The following NR3C2 variants were observed in gnomAD, a reference collection of about 807,000 sequenced individuals.
NR3C2 encodes the protein nuclear receptor subfamily 3 group C member 2.
In NR3C2, 15 loss-of-function variants were observed where a neutral mutation model predicts 86.4. That is an observed-to-expected ratio of 0.17 (90% CI 0.12 to 0.27). The LOEUF (loss-of-function observed/expected upper bound fraction) is 0.27, where lower values mean the gene tolerates loss of function less well. Ranked by LOEUF, NR3C2 falls within the 10% of genes least tolerant of loss-of-function variation. NR3C2 has a pLI of 1.00. For synonymous variants in NR3C2, 458 were observed against 450.5 expected (o/e 1.02, Z -0.21); for missense variants, 960 against 1,195.6 (o/e 0.80, Z 2.91).
At chr4:148,376,386 G>A (rs1011358849) in intron 2 of NR3C2, among the ~76,000 whole-genome samples, 7 of 152,272 alleles carry the variant, frequency 4.6e-5, no homozygotes, top group African/African-American at 1.7e-4. Context: ...GAAGAACAAA[G>A]GGCTCAGTGT....
chr4:148,195,654 G>T (rs968164211), intron 3 of NR3C2, among the ~76,000 whole-genome samples: 3 of 152,180 alleles, frequency 2.0e-5, no homozygotes, highest in Non-Finnish European at 1.5e-5. Context: ...TTAAATAAAG[G>T]TCTATAGATC....
At chr4:148,404,972 T>G (rs920376621) in intron 2 of NR3C2, among the ~76,000 whole-genome samples, 2 of 152,188 alleles carry the variant, frequency 1.3e-5, no homozygotes, top group African/African-American at 4.8e-5. Flanking sequence ...ACTCATGTAT[T>G]AGATGTTTAC....
At chr4:148,346,761 A>G (rs995431432) in intron 2 of NR3C2, among the ~76,000 whole-genome samples, 14 of 152,184 alleles carry the variant, frequency 9.2e-5, no homozygotes, top group African/African-American at 3.4e-4. Flanking sequence ...AATTATAGAA[A>G]TTAATTTCTT....
rs80225528 is a variant in NR3C2, at chr4:148,330,938, C to T, written c.1758-70821G>A. Among the ~76,000 whole-genome samples, 1,102 of 152,288 alleles carry T rather than the reference C, an allele frequency of 7.2e-3. 14 individuals carry two copies. Among genetic ancestry groups the T allele is most frequent in the African/African-American group, 0.024 (1,012 of 41,560 alleles). On this transcript the variant is annotated intron_variant, in intron 2 of 8. Coordinates refer to ENST00000358102, the MANE Select transcript of NR3C2 (RefSeq NM_000901.5). ...ACTCACCTACTCCACCTTCACCTTC[C>T]GCCTTGATTTTAAGCTTCTTAAGGC...
At chr4:148,106,652 G>A (rs1010762179) in intron 8 of NR3C2, among the ~76,000 whole-genome samples, 4 of 152,126 alleles carry the variant, frequency 2.6e-5, no homozygotes, top group Non-Finnish European at 4.4e-5. Context: ...CATGGTACTG[G>A]TACCAAAACA....
chr4:148,314,491 T>C (rs1743067619), intron 2 of NR3C2, among the ~76,000 whole-genome samples: 1 of 152,146 alleles, frequency 6.6e-6, no homozygotes, highest in Non-Finnish European at 1.5e-5. Context: ...TAAAATTATA[T>C]CTTACATTTA....
At chr4:148,444,438 G>T, upstream of NR3C2, 1 of 986,122 alleles carries the variant, frequency 1.0e-6, no homozygotes, top group Non-Finnish European at 1.2e-6. Context: ...TGCCCTGGGC[G>T]CGCAACCTGC....
Position 148,194,820 on chromosome 4 carries a change from A to G in NR3C2, c.1940T>C (p.Ile647Thr), listed in dbSNP as rs1219093359. The G allele has an allele frequency of 4.3e-6, 7 of 1,612,494 alleles. No homozygotes were observed. ...YLCAGRNDCIIDKIRRKNCPA... is the reference protein window; with the variant it reads ...YLCAGRNDCITDKIRRKNCPA... ...ACAATTCTTTCGTCGAATCTTATCA[A>G]TGATGCAATCATTTCTTCCAGCACA... The change falls in exon 4 of 9, where the codon ATT (isoleucine) becomes ACT (threonine). Residue 647 changes from isoleucine to threonine, a missense_variant. Transcript: ENST00000358102.
intron 2 of NR3C2, among the ~76,000 whole-genome samples, chr4:148,314,935 C>T (rs961307323): frequency 6.6e-6 from 1 of 151,950 alleles, no homozygotes. Context: ...ATCCTACCAC[C>T]GAAAACATGT....
chr4:148,353,478 T>C (rs560898931), intron 2 of NR3C2, among the ~76,000 whole-genome samples: 29 of 152,186 alleles, frequency 1.9e-4, no homozygotes, highest in African/African-American at 7.0e-4. Context: ...TTTTCTAGAA[T>C]ATATAACACT....
At chr4:148,188,091 G>A (rs978154560) in intron 4 of NR3C2, among the ~76,000 whole-genome samples, 7 of 152,002 alleles carry the variant, frequency 4.6e-5, no homozygotes, top group Non-Finnish European at 8.8e-5. Flanking sequence ...TTTTTATACC[G>A]GTACTACACT....
At chr4:148,424,721 A>C (rs985741453) in intron 2 of NR3C2, among the ~76,000 whole-genome samples, 9 of 152,132 alleles carry the variant, frequency 5.9e-5, no homozygotes, top group Non-Finnish European at 1.2e-4. Flanking sequence ...AAAAAAAAAA[A>C]ACAAAATTAT....
At position 148,236,073 on chromosome 4, in the gene NR3C2, C is replaced by T. The variant is rs1169848708; in HGVS notation, c.1897+23905G>A. 2.0e-5 allele frequency among the ~76,000 whole-genome samples: 3 copies of T among 152,318 alleles called. No individual in the cohort carries two copies. In the East Asian group the frequency reaches 5.8e-4, roughly 29 times the overall value. Reference sequence around the variant, plus strand: ...GCCAGTGCAGCTCCAGGGAGGGATCCCACTACCCATCTGACGTCCCCTTGG... The same window carrying T: ...GCCAGTGCAGCTCCAGGGAGGGATCTCACTACCCATCTGACGTCCCCTTGG... On this transcript the variant is annotated intron_variant, in intron 3 of 8. Transcript: ENST00000358102.
intron 6 of NR3C2, among the ~76,000 whole-genome samples, chr4:148,124,750 C>T (rs1304274232): frequency 1.3e-5 from 2 of 152,172 alleles, no homozygotes; most frequent in African/African-American, 4.8e-5. Context: ...ATGTCTTCCA[C>T]ATTAGCCTCT....
At chr4:148,126,771 T>C (rs1025990795) in intron 6 of NR3C2, among the ~76,000 whole-genome samples, 75 of 152,226 alleles carry the variant, frequency 4.9e-4, no homozygotes, top group Admixed American at 3.4e-3. Flanking sequence ...ACAGTCTCCA[T>C]AGCTATCATT....
intron 2 of NR3C2, among the ~76,000 whole-genome samples, chr4:148,345,928 G>A (rs1744967216): frequency 2.0e-5 from 3 of 152,118 alleles, no homozygotes. Flanking sequence ...GAGAGCTATG[G>A]AGGATGTGAG....
At chr4:148,427,967 T>C (rs1749631151) in intron 2 of NR3C2, among the ~76,000 whole-genome samples, 1 of 152,168 alleles carries the variant, frequency 6.6e-6, no homozygotes, top group Admixed American at 6.6e-5. Flanking sequence ...AATATCTGAA[T>C]AAACAAAGTC....
chr4:148,151,048 A>C (rs796995630), intron 6 of NR3C2, among the ~76,000 whole-genome samples: 3 of 152,294 alleles, frequency 2.0e-5, no homozygotes, highest in African/African-American at 7.2e-5. Flanking sequence ...TTTGTTTGGG[A>C]TGATGAAAAG....
intron 3 of NR3C2, among the ~76,000 whole-genome samples, chr4:148,240,087 A>G (rs1305549942): frequency 2.0e-5 from 3 of 151,970 alleles, no homozygotes; most frequent in African/African-American, 7.3e-5. Context: ...AAAAGTAAAA[A>G]TAAGTAGGTG....
Sources: allele counts gnomAD v4.1 joint callset (sites outside exome capture counted in the v4.1 genomes callset), GRCh38; gene constraint gnomAD v4.1.1; transcripts MANE v1.5; gene names NCBI Gene and HGNC (gene_info 2026-07-23, HGNC 2026-07-21).